Variants in ME3 observed in about 807,000 individuals in gnomAD.
ME3 encodes NADP-dependent malic enzyme, mitochondrial.
A neutral mutation model predicts 68.9 loss-of-function variants in ME3; 48 were observed. That is an observed-to-expected ratio of 0.70 (90% CI 0.55 to 0.89). The LOEUF (loss-of-function observed/expected upper bound fraction) is 0.89. ME3 is among the 40% of genes least tolerant of loss of function. The pLI, the probability that ME3 is intolerant of heterozygous loss-of-function variation, is 0.00. For missense variants in ME3, 675 were observed against 797.4 expected, an observed-to-expected ratio of 0.85 and a Z score of 1.85; for synonymous variants, 320 against 318.8, an observed-to-expected ratio of 1.00 and a Z score of -0.04.
chr11:86,526,142 C>A (rs2139225545), intron 4 of ME3, among the ~76,000 whole-genome samples: 1 of 152,326 alleles, frequency 6.6e-6, no homozygotes, highest in South Asian at 2.1e-4. Flanking sequence ...TGACAGACGG[C>A]ACCTGGAAAA....
chr11:86,627,009 G>T (rs1048679336), intron 2 of ME3, among the ~76,000 whole-genome samples: 10 of 152,182 alleles, frequency 6.6e-5, no homozygotes, highest in Non-Finnish European at 1.2e-4. Context: ...TTTAGAGGTG[G>T]AGAGAGGGAG....
chr11:86,440,255 A>AG (rs1388187260), downstream of ME3, among the ~76,000 whole-genome samples: 3 of 152,208 alleles, frequency 2.0e-5, no homozygotes, highest in African/African-American at 7.2e-5. Flanking sequence ...TTAACATCTT[A>AG]GCAGTATCTA....
chr11:86,601,906 C>T (rs1442528826), intron 2 of ME3, among the ~76,000 whole-genome samples: 2 of 143,214 alleles, frequency 1.4e-5, no homozygotes, highest in Non-Finnish European at 3.1e-5. Flanking sequence ...TTCAACAACG[C>T]TTCATGCTAA....
At chr11:86,498,064 T>C in exon 6 of ME3, 1 of 1,613,772 alleles carries the variant, frequency 6.2e-7, no homozygotes, top group South Asian at 1.1e-5. Flanking sequence ...GGGATGCCCA[T>C]GCCGTAGCAG....
At chr11:86,496,266 C>T (rs1033353485) in intron 6 of ME3, among the ~76,000 whole-genome samples, 7 of 151,992 alleles carry the variant, frequency 4.6e-5, no homozygotes, top group African/African-American at 7.3e-5. Flanking sequence ...ATTAGCTGAG[C>T]GTGGTAGCAC....
chr11:86,438,540 TA>T (rs905973646), downstream of ME3, among the ~76,000 whole-genome samples: 1 of 152,176 alleles, frequency 6.6e-6, no homozygotes, highest in Non-Finnish European at 1.5e-5. Flanking sequence ...AGTTTCTGCA[TA>T]ATTGGTGTTA....
At chr11:86,547,908 CAA>C (rs1480102997) in intron 4 of ME3, among the ~76,000 whole-genome samples, 1 of 152,204 alleles carries the variant, frequency 6.6e-6, no homozygotes, top group Non-Finnish European at 1.5e-5. Flanking sequence ...AAAAAAGAAA[CAA>C]AAGTCAGTTT....
At chr11:86,666,843 C>A (rs756418962) in intron 2 of ME3, among the ~76,000 whole-genome samples, 8 of 152,200 alleles carry the variant, frequency 5.3e-5, no homozygotes, top group Admixed American at 2.0e-4. Flanking sequence ...ATCCATACAA[C>A]ACACTTAACA....
chr11:86,594,229 A>G (rs1421202223), intron 2 of ME3, among the ~76,000 whole-genome samples: 1 of 146,890 alleles, frequency 6.8e-6, no homozygotes, highest in East Asian at 2.3e-4. Flanking sequence ...CTGTCTTACT[A>G]CATTTTCACC....
At chr11:86,639,609 A>C (rs17211563) in intron 2 of ME3, among the ~76,000 whole-genome samples, 11,218 of 152,218 alleles carry the variant, frequency 0.074, 484 homozygotes, top group East Asian at 0.14. Context: ...TCTGGATTCA[A>C]AGCTAATTCT....
At chr11:86,505,010 A>C (rs896945521) in intron 5 of ME3, among the ~76,000 whole-genome samples, 1 of 152,178 alleles carries the variant, frequency 6.6e-6, no homozygotes, top group Non-Finnish European at 1.5e-5. Context: ...CACATTCTTC[A>C]GGACCCACAC....
rs1371768458 is a variant in ME3, at chr11:86,607,656, T to C, written c.184-47833A>G. On this transcript the variant is annotated intron_variant, in intron 2 of 14. Transcript: ENST00000543262. ...GATAGATGGTTTTTGTTGTTTTTTT[T>C]CAGCTTCCAATAGATCACATCTAGA... Among the ~76,000 whole-genome samples the C allele has an allele frequency of 1.3e-5, 2 of 151,244 alleles. 1 individual carries two copies. Among genetic ancestry groups the C allele is most frequent in the South Asian group, 4.2e-4 (2 of 4,790 alleles).
chr11:86,633,503 C>G (rs749654894), intron 2 of ME3, among the ~76,000 whole-genome samples: 1 of 152,134 alleles, frequency 6.6e-6, no homozygotes, highest in Non-Finnish European at 1.5e-5. Context: ...ATTAAAATAG[C>G]TGGAAAGTAA....
chr11:86,613,211 G>A (rs1395695970), intron 2 of ME3, among the ~76,000 whole-genome samples: 3 of 152,164 alleles, frequency 2.0e-5, no homozygotes, highest in Non-Finnish European at 4.4e-5. Context: ...AAGATCAGAT[G>A]GTTGTAGATG....
chr11:86,574,654 G>A (rs1193163064), intron 2 of ME3, among the ~76,000 whole-genome samples: 3 of 152,068 alleles, frequency 2.0e-5, no homozygotes, highest in Non-Finnish European at 4.4e-5. Flanking sequence ...CTCTTTTTCC[G>A]GCAGAGTTCC....
intron 2 of ME3, among the ~76,000 whole-genome samples, chr11:86,642,979 ATAAGGTTTCTATTAGTTTTTT>A (rs1244533781): frequency 1.4e-5 from 2 of 147,482 alleles, no homozygotes; most frequent in Non-Finnish European, 3.0e-5. Flanking sequence ...ATGGATAAAT[ATAAGGTTTCTATTAGTTTTTT>A]TTGACATGTT....
intron 13 of ME3, among the ~76,000 whole-genome samples, chr11:86,443,665 CT>C: frequency 6.6e-6 from 1 of 152,360 alleles, no homozygotes; most frequent in South Asian, 2.1e-4. Flanking sequence ...GCCACTGGTG[CT>C]CTCTGAGAAC....
At chr11:86,484,536 C>G (rs1374183243) in intron 7 of ME3, among the ~76,000 whole-genome samples, 1 of 152,170 alleles carries the variant, frequency 6.6e-6, no homozygotes, top group African/African-American at 2.4e-5. Context: ...CGCTCCCGGA[C>G]TGCCTGTGTG....
At chr11:86,638,175 C>T (rs1298194011) in intron 2 of ME3, among the ~76,000 whole-genome samples, 1 of 152,096 alleles carries the variant, frequency 6.6e-6, no homozygotes, top group Non-Finnish European at 1.5e-5. Context: ...TTTTCATTTC[C>T]AGGCTAACCT....
Sources: allele counts gnomAD v4.1 joint callset (sites outside exome capture counted in the v4.1 genomes callset), GRCh38; gene constraint gnomAD v4.1.1; transcripts MANE v1.5; gene names NCBI Gene and HGNC (gene_info 2026-07-23, HGNC 2026-07-21).